Variants in PCTP observed in about 807,000 individuals in gnomAD.
PCTP encodes START domain-containing protein 2.
A neutral mutation model predicts 31.0 loss-of-function variants in PCTP; 27 were observed. That is an observed-to-expected ratio of 0.87 (90% CI 0.64 to 1.20). The LOEUF (loss-of-function observed/expected upper bound fraction) is 1.20. Among genes scored for constraint, PCTP ranks in the 50% most tolerant of loss-of-function variants. The pLI is 0.00. For synonymous variants in PCTP, 108 were observed against 101.2 expected, an observed-to-expected ratio of 1.07 and a Z score of -0.40; for missense variants, 287 against 268.2, an observed-to-expected ratio of 1.07 and a Z score of -0.49.
At chr17:55,820,034 A>G (rs182317668) in intron 3 of PCTP, among the ~76,000 whole-genome samples, 34 of 152,318 alleles carry the variant, frequency 2.2e-4, no homozygotes, top group Admixed American at 2.2e-3. Flanking sequence ...TAGATCAAAG[A>G]CCTTAAATGT....
downstream of PCTP, among the ~76,000 whole-genome samples, chr17:55,847,767 G>T (rs531928877): frequency 9.2e-5 from 14 of 152,126 alleles, no homozygotes; most frequent in Non-Finnish European, 2.1e-4. Flanking sequence ...CTTGTTCAAG[G>T]GGGGGTCAGC....
downstream of PCTP, among the ~76,000 whole-genome samples, chr17:55,782,059 G>T (rs2144988194): frequency 6.6e-6 from 1 of 152,270 alleles, no homozygotes; most frequent in Admixed American, 6.5e-5. Flanking sequence ...TCCAAAAGCT[G>T]GCAAGCTGGA....
At chr17:55,835,522 T>C (rs1210050387) in intron 5 of PCTP, among the ~76,000 whole-genome samples, 2 of 152,206 alleles carry the variant, frequency 1.3e-5, no homozygotes, top group Non-Finnish European at 2.9e-5. Context: ...CCTTTACTAT[T>C]TGATATAGCC....
At chr17:55,834,634 G>T (rs1427801257) in intron 5 of PCTP, among the ~76,000 whole-genome samples, 1 of 152,160 alleles carries the variant, frequency 6.6e-6, no homozygotes, top group Non-Finnish European at 1.5e-5. Context: ...TGCACATAAT[G>T]GTGTGGATGG....
At chr17:55,826,376 A>G (rs1421231810), downstream of PCTP, among the ~76,000 whole-genome samples, 1 of 152,080 alleles carries the variant, frequency 6.6e-6, no homozygotes, top group African/African-American at 2.4e-5. Context: ...AACAGATGGT[A>G]ACTCTAGGGT....
downstream of PCTP, among the ~76,000 whole-genome samples, chr17:55,781,282 T>C (rs1239472664): frequency 6.6e-6 from 1 of 152,258 alleles, no homozygotes; most frequent in Non-Finnish European, 1.5e-5. Flanking sequence ...GCCCCATGCT[T>C]TGCCTCAGGC....
intron 5 of PCTP, among the ~76,000 whole-genome samples, chr17:55,838,175 A>T (rs978647900): frequency 6.6e-6 from 1 of 151,714 alleles, no homozygotes; most frequent in African/African-American, 2.4e-5. Flanking sequence ...AAACTTAATC[A>T]TATTTCAATC....
At chr17:55,771,992 A>C (rs1270766172) in intron 3 of PCTP, among the ~76,000 whole-genome samples, 2 of 152,206 alleles carry the variant, frequency 1.3e-5, no homozygotes, top group African/African-American at 2.4e-5. Context: ...TTTGGAAGCC[A>C]CTGAATTAGA....
At chr17:55,844,227 T>C (rs1906073751), downstream of PCTP, among the ~76,000 whole-genome samples, 2 of 152,226 alleles carry the variant, frequency 1.3e-5, no homozygotes, top group Non-Finnish European at 2.9e-5. Flanking sequence ...CAACTCTATC[T>C]GTGCAAGGCC....
chr17:55,769,180 A>T (rs543049423), intron 2 of PCTP: 12 of 152,246 alleles, frequency 7.9e-5, no homozygotes, highest in Non-Finnish European at 1.6e-4. Context: ...CCATATGAAT[A>T]ACCCCAGAGG....
intron 1 of PCTP, among the ~76,000 whole-genome samples, chr17:55,753,225 T>C (rs559584629): frequency 3.9e-5 from 6 of 152,338 alleles, no homozygotes; most frequent in Non-Finnish European, 7.3e-5. Flanking sequence ...TCACTTAGAA[T>C]TGCAGTGACC....
intron 1 of PCTP, among the ~76,000 whole-genome samples, chr17:55,753,393 AT>A (rs1193388750): frequency 2.0e-5 from 3 of 152,198 alleles, no homozygotes; most frequent in African/African-American, 7.2e-5. Flanking sequence ...GCTAACATTT[AT>A]TGCATGATTT....
downstream of PCTP, among the ~76,000 whole-genome samples, chr17:55,845,904 G>GTA (rs1453037549): frequency 2.6e-5 from 4 of 151,566 alleles, no homozygotes; most frequent in African/African-American, 9.7e-5. Context: ...GTGTGTGTGT[G>GTA]TGTGTGTGTG....
chr17:55,772,326 G>A (rs1478414351), intron 3 of PCTP, among the ~76,000 whole-genome samples: 1 of 151,978 alleles, frequency 6.6e-6, no homozygotes, highest in Non-Finnish European at 1.5e-5. Flanking sequence ...GGTGGCTCAC[G>A]CCTGTAATCC....
At chr17:55,761,483 G>T (rs922640807) in intron 1 of PCTP, among the ~76,000 whole-genome samples, 3 of 148,240 alleles carry the variant, frequency 2.0e-5, no homozygotes, top group Admixed American at 1.4e-4. Flanking sequence ...ACTATAGCAG[G>T]TATATATAAA....
downstream of PCTP, among the ~76,000 whole-genome samples, chr17:55,824,060 G>A (rs1159982712): frequency 1.3e-5 from 2 of 152,074 alleles, no homozygotes; most frequent in Admixed American, 6.5e-5. Flanking sequence ...GACTAAGTTC[G>A]GGTGGTAGCT....
chr17:55,852,279 G>T, the PCTP span, among the ~76,000 whole-genome samples: 1 of 152,070 alleles, frequency 6.6e-6, no homozygotes, highest in African/African-American at 2.4e-5. Flanking sequence ...TAATTTCATT[G>T]AATATAACCC....
intron 5 of PCTP, among the ~76,000 whole-genome samples, chr17:55,829,453 G>A (rs1196806421): frequency 6.6e-6 from 1 of 152,006 alleles, no homozygotes; most frequent in African/African-American, 2.4e-5. Flanking sequence ...GACTACAGGT[G>A]AATGCCACCA....
intron 2 of PCTP, chr17:55,787,561 T>C (rs1176441299): frequency 6.6e-6 from 1 of 151,988 alleles, no homozygotes; most frequent in Non-Finnish European, 1.5e-5. Context: ...CACCATGTTT[T>C]CCAGGCTGGC....
Sources: gnomAD v4.1 joint callset for allele counts (sites outside exome capture counted in the v4.1 genomes callset) on GRCh38, gnomAD v4.1.1 for gene constraint, MANE v1.5 for transcripts, NCBI Gene and HGNC (gene_info 2026-07-23, HGNC 2026-07-21) for gene names.